CD226: variants seen among roughly 807,000 people sequenced by gnomAD.
CD226 encodes CD226 antigen.
In CD226, 24 loss-of-function variants were observed where a neutral mutation model predicts 34.9. That is an observed-to-expected ratio of 0.69 (90% CI 0.50 to 0.97). The LOEUF is 0.97. Ranked by LOEUF, CD226 falls within the 50% of genes least tolerant of loss-of-function variation. The pLI is 0.00. For synonymous variants in CD226, 148 were observed against 147.4 expected (o/e 1.00, Z -0.03); for missense variants, 397 against 412.7 (o/e 0.96, Z 0.33).
intron 2 of CD226, among the ~76,000 whole-genome samples, chr18:69,933,026 G>C (rs2055607326): frequency 6.6e-6 from 1 of 152,172 alleles, no homozygotes; most frequent in Admixed American, 6.5e-5. Context: ...AGCTTTCCTG[G>C]TGTGTAATTT....
intron 2 of CD226, among the ~76,000 whole-genome samples, chr18:69,902,461 T>C (rs1325061882): frequency 3.3e-5 from 5 of 151,936 alleles, no homozygotes; most frequent in Non-Finnish European, 7.4e-5. Context: ...CTGGAAATAC[T>C]CTACCCCTTG....
At chr18:69,926,479 T>C (rs1012611537) in intron 2 of CD226, among the ~76,000 whole-genome samples, 3 of 152,140 alleles carry the variant, frequency 2.0e-5, no homozygotes, top group Non-Finnish European at 4.4e-5. Flanking sequence ...TTTCATACCA[T>C]CATGTAATGT....
chr18:69,918,137 G>T (rs1243697691), intron 2 of CD226, among the ~76,000 whole-genome samples: 1 of 152,204 alleles, frequency 6.6e-6, no homozygotes, highest in Non-Finnish European at 1.5e-5. Context: ...TATGTGTGAG[G>T]CAATGTTGAT....
At chr18:69,885,347 G>A (rs370168659) in intron 3 of CD226, among the ~76,000 whole-genome samples, 15 of 152,162 alleles carry the variant, frequency 9.9e-5, no homozygotes, top group African/African-American at 3.4e-4. Context: ...AGCCCTCACT[G>A]TCCCTAAGGA....
rs1555675807 is a variant in CD226 at position 69,861,554 on chromosome 18, G to GTATATATGTATATATATATATATA, written c.*2759_*2760insTATATATATATATATACATATATA. 1.6e-5 allele frequency: 2 copies of GTATATATGTATATATATATATATA among 127,948 alleles called. No homozygotes were observed. Among genetic ancestry groups the GTATATATGTATATATATATATATA allele is most frequent in the East Asian group, 2.4e-4 (1 of 4,218 alleles). The allele number at this position is 127,948 out of a possible 1,614,324, so 7.9% of individuals were successfully genotyped here. Reference sequence around the variant, plus strand: ...ATAAATTATATGTGTATATATATATGTATATATATATATATATATGTAAAA... The same window carrying GTATATATGTATATATATATATATA: ...ATAAATTATATGTGTATATATATATGTATATATGTATATATATATATATATATATATATATATATATATGTAAAA... On this transcript the variant is annotated 3_prime_UTR_variant, in exon 6 of 6. Transcript: ENST00000582621.
intron 2 of CD226, among the ~76,000 whole-genome samples, chr18:69,932,399 G>A (rs1458967805): frequency 6.6e-6 from 1 of 152,184 alleles, no homozygotes; most frequent in Non-Finnish European, 1.5e-5. Flanking sequence ...AAGTAAGCAT[G>A]TGGGTTTGCT....
Position 69,944,335 on chromosome 18 carries a change from C to T in CD226, c.382+2399G>A, listed in dbSNP as rs2055763519. ...ATTCCTTCCTCTGACTGAAAACTGA[C>T]TGAAAATCTCCACATTGTATTTTTT... On this transcript the variant is annotated intron_variant, in intron 2 of 5. Coordinates refer to ENST00000582621, the MANE Select transcript of CD226 (RefSeq NM_001303618.2). 3 of 152,156 alleles carry T rather than the reference C, an allele frequency of 2.0e-5. 1 individual carries two copies. In the South Asian group the frequency reaches 6.2e-4, roughly 32 times the overall value. The allele number at this position is 152,156 out of a possible 1,614,324, so 9.4% of individuals were successfully genotyped here.
At chr18:69,927,053 C>T (rs986229976) in intron 2 of CD226, among the ~76,000 whole-genome samples, 13 of 152,122 alleles carry the variant, frequency 8.5e-5, no homozygotes, top group Admixed American at 3.9e-4. Flanking sequence ...ACCTAATCCC[C>T]ATTGTGGTGG....
At chr18:69,901,485 C>T (rs1160792207) in intron 2 of CD226, among the ~76,000 whole-genome samples, 1 of 152,126 alleles carries the variant, frequency 6.6e-6, no homozygotes, top group Admixed American at 6.5e-5. Context: ...CTGACCCAAA[C>T]TTGATAGTCG....
chr18:69,918,159 C>T (rs1599007569), intron 2 of CD226, among the ~76,000 whole-genome samples: 1 of 152,166 alleles, frequency 6.6e-6, no homozygotes, highest in Admixed American at 6.5e-5. Context: ...GGACAAGACC[C>T]ATCACGTCCC....
At position 69,858,601 on chromosome 18, in the gene CD226, G is replaced by A. The variant is rs1982678703; in HGVS notation, c.*5713C>T. 6.6e-6 allele frequency: 1 copy of A among 151,488 alleles called. No homozygotes were observed. The highest frequency in any genetic ancestry group is 1.5e-5 in the Non-Finnish European group (1 of 68,044). 9.4% of individuals were successfully genotyped at this position (151,488 alleles called of 1,614,324 possible). ...AAGCCCAAATTGTTGCTTTCTGCAGGAAACGAGTGTTTCCTGCCTCGTTTC... is the reference window on the plus strand; with the variant it reads ...AAGCCCAAATTGTTGCTTTCTGCAGAAAACGAGTGTTTCCTGCCTCGTTTC... On this transcript the variant is annotated 3_prime_UTR_variant, in exon 6 of 6. Coordinates refer to ENST00000582621, the MANE Select transcript of CD226 (RefSeq NM_001303618.2).
rs1268254553 is a variant in CD226 at position 69,857,591 on chromosome 18, A to ATT, written c.*6722_*6723insAA. 2 of 152,262 alleles carry ATT rather than the reference A, an allele frequency of 1.3e-5. No individual in the cohort carries two copies. Among genetic ancestry groups the ATT allele is most frequent in the African/African-American group, 4.8e-5 (2 of 41,476 alleles). 9.4% of individuals were successfully genotyped at this position (152,262 alleles called of 1,614,324 possible). A position where few individuals can be genotyped will look rare whatever the true frequency, so the allele number is the denominator to read the frequency against. On this transcript the variant is annotated 3_prime_UTR_variant, in exon 6 of 6. Coordinates refer to ENST00000582621, the MANE Select transcript of CD226 (RefSeq NM_001303618.2). The stretch of plus-strand genomic sequence containing the variant: ...TAAAAACATAAAATCAGTTGAGATT[A>ATT]TGTAAATTTTGAAGAATGAAGAAAG...
chr18:69,906,032 T>A (rs1351654853), intron 2 of CD226, among the ~76,000 whole-genome samples: 1 of 152,260 alleles, frequency 6.6e-6, no homozygotes, highest in East Asian at 1.9e-4. Flanking sequence ...CCTCTTCTCA[T>A]ATTTTCTGAC....
intron 2 of CD226, among the ~76,000 whole-genome samples, chr18:69,919,820 G>A (rs17081824): frequency 0.042 from 6,431 of 151,830 alleles, 480 homozygotes; most frequent in African/African-American, 0.15. Flanking sequence ...AAAAAGAGTC[G>A]GTTACTATAA....
chr18:69,907,720 G>T (rs996581603), intron 2 of CD226, among the ~76,000 whole-genome samples: 1 of 152,100 alleles, frequency 6.6e-6, no homozygotes, highest in Non-Finnish European at 1.5e-5. Flanking sequence ...AGGGGATAAC[G>T]GTTAAGAGGG....
chr18:69,919,223 G>A (rs1376209693), intron 2 of CD226, among the ~76,000 whole-genome samples: 1 of 152,164 alleles, frequency 6.6e-6, no homozygotes, highest in Non-Finnish European at 1.5e-5. Flanking sequence ...GTTTCTCAAG[G>A]ATAACCAAGA....
chr18:69,933,701 A>G lies in CD226; in HGVS notation c.382+13033T>C, dbSNP rs186583352. 3.2e-3 allele frequency among the ~76,000 whole-genome samples: 486 copies of G among 152,346 alleles called. 3 individuals are homozygous for G. Among genetic ancestry groups the G allele is most frequent in the Admixed American group, 5.9e-3 (90 of 15,308 alleles). ...ACTGTTATCATCCTTCATCCAATAA[A>G]GCAGATTCAATTACCTCTGTGTCAT... On this transcript the variant is annotated intron_variant, in intron 2 of 5. Transcript: ENST00000582621.
chr18:69,877,254 T>C (rs552704239), intron 3 of CD226, among the ~76,000 whole-genome samples: 3 of 152,272 alleles, frequency 2.0e-5, no homozygotes, highest in East Asian at 1.9e-4. Context: ...GAGCCAGTTA[T>C]AGAGCTCAAG....
chr18:69,955,811 C>T lies in CD226; in HGVS notation c.-28+944G>A, dbSNP rs79230072. On this transcript the variant is annotated intron_variant, in intron 1 of 6. Transcript: ENST00000280200. ...CCAGGAGGCAGAGCTTGCAGTGAGC[C>T]GACATCGCACCACTGCACTCCAGCC... 1.9e-4 allele frequency among the ~76,000 whole-genome samples: 27 copies of T among 141,158 alleles called. No homozygotes were observed. The East Asian group carries it at 2.5e-3, about 13-fold the overall frequency. The allele number at this position is 141,158 out of a possible 152,430, so 92.6% of individuals were successfully genotyped here. A position where few individuals can be genotyped will look rare whatever the true frequency, so the allele number is the denominator to read the frequency against.
Sources: allele counts gnomAD v4.1 joint callset (sites outside exome capture counted in the v4.1 genomes callset), GRCh38; gene constraint gnomAD v4.1.1; transcripts MANE v1.5; gene names NCBI Gene and HGNC (gene_info 2026-07-23, HGNC 2026-07-21).